Variants in WDFY4 observed in about 807,000 individuals in gnomAD.
WDFY4 encodes WDFY family member 4, also known as WD repeat- and FYVE domain-containing protein 4.
Under a neutral mutation model 351.9 loss-of-function variants are expected in WDFY4, and 169 were observed. That is an observed-to-expected ratio of 0.48 (90% confidence interval 0.42 to 0.55). The LOEUF is 0.55. Ranked by LOEUF, WDFY4 falls within the 20% of genes least tolerant of loss-of-function variation. The pLI is 0.00. For missense variants in WDFY4, 3,803 were observed against 3,935.6 expected, an observed-to-expected ratio of 0.97 and a Z score of 0.90; for synonymous variants, 1,622 against 1,574.6, an observed-to-expected ratio of 1.03 and a Z score of -0.71.
At chr10:48,871,155 T>C (rs2069762666) in intron 40 of WDFY4, among the ~76,000 whole-genome samples, 1 of 152,130 alleles carries the variant, frequency 6.6e-6, no homozygotes. Context: ...CAGGATGGTC[T>C]CGATCTCCTG....
chr10:48,733,803 T>C, intron 9 of WDFY4, 128 bp from the exon 10 acceptor site: 2 of 797,296 alleles, frequency 2.5e-6, no homozygotes, highest in Non-Finnish European at 4.0e-6. Context: ...CTAATTGGGA[T>C]ACACACTCCC....
chr10:48,787,968 T>C (rs1372367654), intron 20 of WDFY4, among the ~76,000 whole-genome samples: 126 of 92,910 alleles, frequency 1.4e-3, no homozygotes, highest in Middle Eastern at 4.8e-3. Flanking sequence ...TTCTTCTTCT[T>C]CTTCTTCTTC....
At chr10:48,885,631 C>A (rs547692074) in intron 43 of WDFY4, among the ~76,000 whole-genome samples, 1 of 151,810 alleles carries the variant, frequency 6.6e-6, no homozygotes, top group Non-Finnish European at 1.5e-5. Flanking sequence ...GTGAAAAGAT[C>A]GATGCATCAT....
chr10:48,701,437 T>G (rs945233642), intron 1 of WDFY4, among the ~76,000 whole-genome samples: 1 of 152,238 alleles, frequency 6.6e-6, no homozygotes, highest in African/African-American at 2.4e-5. Context: ...TTACTTTTTG[T>G]AATTGACCTA....
At chr10:48,956,811 A>G (rs973844008) in intron 51 of WDFY4, among the ~76,000 whole-genome samples, 1 of 152,134 alleles carries the variant, frequency 6.6e-6, no homozygotes, top group Non-Finnish European at 1.5e-5. Context: ...GGCCCTCTGC[A>G]GTCTTGGAAG....
chr10:48,961,799 C>G (rs2131797660), intron 53 of WDFY4, among the ~76,000 whole-genome samples: 1 of 152,218 alleles, frequency 6.6e-6, no homozygotes, highest in East Asian at 1.9e-4. Context: ...ACAGCTAGAT[C>G]TCATGCAGCA....
At position 48,727,664 on chromosome 10, in the gene WDFY4, G is replaced by A; in HGVS notation, c.971+5G>A. 1 of 1,551,896 alleles carries A rather than the reference G, an allele frequency of 6.4e-7. No homozygotes were observed. The highest frequency in any genetic ancestry group is 1.2e-5 in the South Asian group (1 of 84,058). On this transcript the variant is annotated splice_donor_5th_base_variant and intron_variant, in intron 7 of 61. Coordinates refer to ENST00000325239, the MANE Select transcript of WDFY4 (RefSeq NM_001394531.1). Reference sequence around the variant, plus strand: ...GCTGCTCAAAGTGTTACTTCGGTAAGTGGCTGTGTTTGGTACGGGGAGAGC... The same window carrying A: ...GCTGCTCAAAGTGTTACTTCGGTAAATGGCTGTGTTTGGTACGGGGAGAGC...
At chr10:48,696,438 C>T (rs907214572) in intron 1 of WDFY4, among the ~76,000 whole-genome samples, 8 of 152,246 alleles carry the variant, frequency 5.3e-5, no homozygotes, top group African/African-American at 1.7e-4. Flanking sequence ...GGCAGCCCTC[C>T]TGCTCGTGTC....
chr10:48,943,598 C>CT (rs373976945), intron 49 of WDFY4, 149 bp downstream of exon 49: 65,463 of 621,932 alleles, frequency 0.11, 263 homozygotes, highest in East Asian at 0.14. Flanking sequence ...GCTCAGATCT[C>CT]TTTTTTTTTT....
chr10:48,785,036 T>A (rs2448543), intron 19 of WDFY4, among the ~76,000 whole-genome samples: 45,271 of 149,040 alleles, frequency 0.3, 7,703 homozygotes, highest in East Asian at 0.7. Context: ...GTTTGTTGTG[T>A]TTTTTAGTAG....
rs1389394879 is a variant in WDFY4, at chr10:48,982,878, G to A, written c.*303G>A. ...TCACCTTATTAAGGGCTATTGCACT[G>A]AAAAAAAAAAAGATGGGTCGCTTAC... On this transcript the variant is annotated 3_prime_UTR_variant, in exon 62 of 62. Transcript: ENST00000325239. The A allele has an allele frequency of 6.0e-3, 1,825 of 305,828 alleles. 23 individuals carry two copies. The highest frequency in any genetic ancestry group is 9.1e-3 in the Non-Finnish European group (1,369 of 150,850). 18.9% of individuals were successfully genotyped at this position (305,828 alleles called of 1,614,324 possible). A position where few individuals can be genotyped will look rare whatever the true frequency, so the allele number is the denominator to read the frequency against.
rs917560526 is a variant in WDFY4 at position 48,788,692 on chromosome 10, C to A, written c.3954+17C>A. 1.9e-5 allele frequency: 29 copies of A among 1,550,354 alleles called. No individual in the cohort carries two copies. Among genetic ancestry groups the A allele is most frequent in the Non-Finnish European group, 2.5e-5 (29 of 1,146,062 alleles). On this transcript the variant is annotated intron_variant, in intron 21 of 61. Transcript: ENST00000325239. ...GCCAAAGAGGTACATCTTCTAACTT[C>A]GCTGCTAATCTCTGTTGGAATCTGG...
chr10:48,806,121 G>A, intron 27 of WDFY4, 26 bp downstream of exon 27: 2 of 1,550,270 alleles, frequency 1.3e-6, no homozygotes, highest in Non-Finnish European at 1.7e-6. Flanking sequence ...CCAGTTCGAA[G>A]GCAGTAGGAC....
intron 39 of WDFY4, among the ~76,000 whole-genome samples, chr10:48,859,484 TC>T (rs2069260170): frequency 2.6e-5 from 4 of 152,220 alleles, no homozygotes; most frequent in African/African-American, 9.6e-5. Flanking sequence ...CATGCGATTT[TC>T]TTCTTTAACC....
intron 44 of WDFY4, 86 bp downstream of exon 44, chr10:48,890,813 G>T (rs2070665107): frequency 5.3e-6 from 8 of 1,513,368 alleles, no homozygotes; most frequent in Non-Finnish European, 7.1e-6. Flanking sequence ...TTCTCACCTT[G>T]TTCTTACAGT....
At position 48,820,202 on chromosome 10, in the gene WDFY4, G is replaced by T. The variant is rs185110792; in HGVS notation, c.5506-32G>T. On this transcript the variant is annotated intron_variant, in intron 32 of 61. Coordinates refer to ENST00000325239, the MANE Select transcript of WDFY4 (RefSeq NM_001394531.1). Reference sequence around the variant, plus strand: ...TGGGAAAGAGCTTGAGGCAGGGCAGGCCACTCATGTTGGGGTTCTCTTGTC... The same window carrying T: ...TGGGAAAGAGCTTGAGGCAGGGCAGTCCACTCATGTTGGGGTTCTCTTGTC... The T allele has an allele frequency of 1.2e-5, 19 of 1,550,276 alleles. No homozygotes were observed. The African/African-American group carries it at 2.2e-4, about 18-fold the overall frequency.
rs528377453 is a variant in WDFY4, at chr10:48,693,675, A to T, written c.-18+8674A>T. Among the ~76,000 whole-genome samples, 4 of 152,350 alleles carry T rather than the reference A, an allele frequency of 2.6e-5. No individual in the cohort carries two copies. In the East Asian group the frequency reaches 7.7e-4, roughly 29 times the overall value. On this transcript the variant is annotated intron_variant, in intron 1 of 61. Coordinates refer to ENST00000325239, the MANE Select transcript of WDFY4 (RefSeq NM_001394531.1). ...GCATCTATTCTAAACGCTTCATGTT[A>T]CAGGTGGGAAACTGAGTCACAGAAA... is the stretch of plus-strand genomic sequence containing the variant.
chr10:48,811,439 G>A (rs1414428172), intron 29 of WDFY4, 100 bp from the exon 30 acceptor site: 4 of 1,002,440 alleles, frequency 4.0e-6, no homozygotes, highest in Non-Finnish European at 1.5e-6. Flanking sequence ...CATTTCTATG[G>A]GATGGGTGGG....
intron 47 of WDFY4, among the ~76,000 whole-genome samples, chr10:48,916,920 T>A (rs1316277388): frequency 6.6e-6 from 1 of 151,374 alleles, no homozygotes; most frequent in Non-Finnish European, 1.5e-5. Context: ...TACAACCATG[T>A]GCTGCATAAT....
Sources: allele counts gnomAD v4.1 joint callset (sites outside exome capture counted in the v4.1 genomes callset), GRCh38; gene constraint gnomAD v4.1.1; transcripts MANE v1.5; gene names NCBI Gene and HGNC (gene_info 2026-07-23, HGNC 2026-07-21).